Variants in CCDC73 observed in about 807,000 individuals in gnomAD.
The protein encoded by CCDC73 is coiled-coil domain-containing protein 73.
Under a neutral mutation model 116.5 loss-of-function variants are expected in CCDC73, and 95 were observed. The ratio of observed to expected loss-of-function variants is 0.82; its 90% CI spans 0.69 to 0.97. CCDC73 has a LOEUF of 0.97. Ranked by LOEUF, CCDC73 falls within the 50% of genes least tolerant of loss-of-function variation. The pLI is 0.00. For synonymous variants in CCDC73, 398 were observed against 401.3 expected (o/e 0.99, Z 0.10); for missense variants, 1,066 against 1,206.8 (o/e 0.88, Z 1.73).
chr11:32,653,150 T>A lies in CCDC73; in HGVS notation c.912A>T (p.Glu304Asp). 6.2e-7 allele frequency: 1 copy of A among 1,611,016 alleles called. No individual in the cohort carries two copies. The highest frequency in any genetic ancestry group is 1.3e-5 in the African/African-American group (1 of 74,968). ...QIQANTEMEAELKVLKENNQT... is the reference protein window; with the variant it reads ...QIQANTEMEADLKVLKENNQT... Reference sequence around the variant, plus strand: ...GATTATTTTCTTTTAGCACCTTCAATTCTGCCTCCATTTCAGTATTAGCTT... The same window carrying A: ...GATTATTTTCTTTTAGCACCTTCAAATCTGCCTCCATTTCAGTATTAGCTT... The change falls in exon 12 of 18, where the codon GAA becomes GAT. Residue 304 changes from glutamate to aspartate, a missense_variant. Glu to Asp is a conservative substitution (Grantham distance 45, BLOSUM62 2). Coordinates refer to ENST00000335185, the MANE Select transcript of CCDC73 (RefSeq NM_001008391.4).
chr11:32,671,265 G>T (rs1856035193), intron 9 of CCDC73, among the ~76,000 whole-genome samples: 1 of 152,060 alleles, frequency 6.6e-6, no homozygotes, highest in Admixed American at 6.6e-5. Context: ...CAGACAAACA[G>T]CAGAGGTTAT....
intron 2 of CCDC73, among the ~76,000 whole-genome samples, chr11:32,723,867 A>T (rs1850010227): frequency 6.6e-6 from 1 of 152,102 alleles, no homozygotes; most frequent in South Asian, 2.1e-4. Flanking sequence ...TCTCATTGAC[A>T]TTTAATAAGA....
the CCDC73 span, among the ~76,000 whole-genome samples, chr11:32,815,437 T>C: frequency 6.6e-6 from 1 of 151,828 alleles, no homozygotes; most frequent in African/African-American, 2.4e-5. Flanking sequence ...TAGCCTCAAG[T>C]GATCCTCCTG....
At chr11:32,773,586 C>T (rs1429240665) in intron 1 of CCDC73, among the ~76,000 whole-genome samples, 1 of 151,728 alleles carries the variant, frequency 6.6e-6, no homozygotes, top group African/African-American at 2.4e-5. Flanking sequence ...TCAAGACAAG[C>T]CTGGGAAATA....
At chr11:32,604,755 G>C (rs1443341346) in intron 17 of CCDC73, 1 of 152,104 alleles carries the variant, frequency 6.6e-6, no homozygotes, top group Non-Finnish European at 1.5e-5. Context: ...GAAGATCTTT[G>C]GGTACTGCCT....
intron 2 of CCDC73, among the ~76,000 whole-genome samples, chr11:32,735,684 A>T (rs11031955): frequency 0.27 from 41,132 of 152,120 alleles, 6,442 homozygotes; most frequent in East Asian, 0.79. Context: ...GGAACCAAAG[A>T]AGAGCTCGCA....
At chr11:32,805,256 C>T in the CCDC73 span, among the ~76,000 whole-genome samples, 1 of 152,164 alleles carries the variant, frequency 6.6e-6, no homozygotes, top group Admixed American at 6.5e-5. Flanking sequence ...ATATCTTCCA[C>T]ATCTTATTTT....
At position 32,635,684 on chromosome 11, in the gene CCDC73, C is replaced by T. The variant is rs1409670518; in HGVS notation, c.1185+12G>A. ...TTGATAGTTTGTACCCCACAACATA[C>T]TTAAATTTTACCTGAAACTTTTTGT... On this transcript the variant is annotated intron_variant, in intron 14 of 17. Coordinates refer to ENST00000335185, the MANE Select transcript of CCDC73 (RefSeq NM_001008391.4). 1 of 1,290,716 alleles carries T rather than the reference C, an allele frequency of 7.7e-7. No homozygotes were observed. The highest frequency in any genetic ancestry group is 3.0e-5 in the East Asian group (1 of 33,410). 80.0% of individuals were successfully genotyped at this position (1,290,716 alleles called of 1,614,324 possible).
chr11:32,738,205 T>G (rs1364408898), intron 2 of CCDC73, among the ~76,000 whole-genome samples: 3 of 152,216 alleles, frequency 2.0e-5, no homozygotes, highest in Non-Finnish European at 4.4e-5. Flanking sequence ...TTCCTTTCCT[T>G]TGGGTATATA....
intron 1 of CCDC73, among the ~76,000 whole-genome samples, chr11:32,767,271 T>C (rs1160328545): frequency 5.9e-5 from 9 of 152,186 alleles, no homozygotes; most frequent in African/African-American, 2.2e-4. Flanking sequence ...TAGCCATATG[T>C]AGAAAACTGA....
At chr11:32,780,519 C>G (rs1343588181) in intron 1 of CCDC73, among the ~76,000 whole-genome samples, 2 of 151,710 alleles carry the variant, frequency 1.3e-5, no homozygotes. Flanking sequence ...AGAAAAAAAT[C>G]CTAGATGCAG....
Position 32,654,792 on chromosome 11 carries a change from TAA to T in CCDC73, c.774+50_774+51del, listed in dbSNP as rs1397684234. The T allele has an allele frequency of 3.2e-6, 4 of 1,263,048 alleles. No individual in the cohort carries two copies. The African/African-American group carries it at 6.2e-5, about 19-fold the overall frequency. The allele number at this position is 1,263,048 out of a possible 1,614,324, so 78.2% of individuals were successfully genotyped here. ...TTGTGTTACAATTCTGAAATTCTCA[TAA>T]GTTTTATTGAAAATATTAATGTTAT... On this transcript the variant is annotated intron_variant, in intron 10 of 17. Transcript: ENST00000335185.
chr11:32,758,410 T>C (rs1172813740), intron 2 of CCDC73: 4 of 496,230 alleles, frequency 8.1e-6, no homozygotes, highest in African/African-American at 5.9e-5. Context: ...CCACGTGGCA[T>C]GCCTCCAAGT....
At chr11:32,648,965 C>T (rs1366820731) in intron 12 of CCDC73, among the ~76,000 whole-genome samples, 2 of 152,188 alleles carry the variant, frequency 1.3e-5, no homozygotes, top group Non-Finnish European at 2.9e-5. Flanking sequence ...ACAGAGAGAG[C>T]TGATCTAGCA....
intron 1 of CCDC73, among the ~76,000 whole-genome samples, chr11:32,778,063 T>C (rs1351051758): frequency 2.0e-5 from 3 of 152,214 alleles, no homozygotes; most frequent in Non-Finnish European, 4.4e-5. Flanking sequence ...GAAAACCATA[T>C]TACGTATCTG....
intron 2 of CCDC73, among the ~76,000 whole-genome samples, chr11:32,738,119 T>C (rs1490196131): frequency 6.6e-6 from 1 of 152,210 alleles, no homozygotes; most frequent in African/African-American, 2.4e-5. Context: ...GACACTTAGG[T>C]TGCTTCAAAA....
chr11:32,745,240 T>C lies in CCDC73; in HGVS notation c.135+14869A>G, dbSNP rs184767617. Among the ~76,000 whole-genome samples the C allele has an allele frequency of 2.0e-5, 3 of 152,338 alleles. No individual in the cohort carries two copies. The East Asian group carries it at 5.8e-4, about 29-fold the overall frequency. On this transcript the variant is annotated intron_variant, in intron 2 of 17. Transcript: ENST00000335185. Reference sequence around the variant, plus strand: ...TTGAGTGAGTTTCTTAATCCTGAGTTCTAATTTGATTGCCCTGTGGTCTGA... The same window carrying C: ...TTGAGTGAGTTTCTTAATCCTGAGTCCTAATTTGATTGCCCTGTGGTCTGA...
intron 2 of CCDC73, among the ~76,000 whole-genome samples, chr11:32,759,345 T>C (rs1850370669): frequency 6.7e-6 from 1 of 150,230 alleles, no homozygotes. Flanking sequence ...TTTTTTTTTT[T>C]CTTGAGATAG....
the CCDC73 span, among the ~76,000 whole-genome samples, chr11:32,821,371 A>G: frequency 6.6e-6 from 1 of 152,230 alleles, no homozygotes; most frequent in Non-Finnish European, 1.5e-5. Context: ...ATTTCCTGAC[A>G]TAAGTATTTA....
Sources: gnomAD v4.1 joint callset for allele counts (sites outside exome capture counted in the v4.1 genomes callset) on GRCh38, gnomAD v4.1.1 for gene constraint, MANE v1.5 for transcripts, NCBI Gene and HGNC (gene_info 2026-07-23, HGNC 2026-07-21) for gene names.